Variants in SERPINF1 observed in about 807,000 individuals in gnomAD.
SERPINF1 encodes pigment epithelium-derived factor.
In SERPINF1, 29 loss-of-function variants were observed where a neutral mutation model predicts 37.3. The ratio of observed to expected loss-of-function variants is 0.78; its 90% CI spans 0.58 to 1.06. SERPINF1 has a LOEUF of 1.06. Among genes scored for constraint, SERPINF1 ranks in the 50% least tolerant of loss-of-function variants. The probability of loss-of-function intolerance (pLI) is 0.00; values close to 1 mark genes in which losing one functional copy is unlikely to be tolerated. For synonymous variants in SERPINF1, 281 were observed against 227.9 expected (o/e 1.23, Z -2.10); for missense variants, 553 against 532.2 (o/e 1.04, Z -0.38).
intron 1 of SERPINF1, 135 bp downstream of exon 1, chr17:1,762,248 G>T (rs1293562795): frequency 1.3e-5 from 2 of 152,810 alleles, no homozygotes; most frequent in African/African-American, 2.4e-5. Flanking sequence ...TGCGGAGACA[G>T]CAGCCCCTGC....
At chr17:1,772,146 T>G in intron 5 of SERPINF1, 71 bp downstream of exon 5, 1 of 1,495,400 alleles carries the variant, frequency 6.7e-7, no homozygotes, top group Non-Finnish European at 9.1e-7. Context: ...CGATGGAGTC[T>G]TACTCTGTAG....
chr17:1,777,077 CAG>C lies in SERPINF1; in HGVS notation c.998-106_998-105del, dbSNP rs962044055. On this transcript the variant is annotated intron_variant, in intron 7 of 7. Transcript: ENST00000254722. The stretch of plus-strand genomic sequence containing the variant: ...GGTCAGCTCAGACCTCTTCAGGCCT[CAG>C]AGAAAGTCAACAGTGCTGCGCCATC... 9.6e-5 allele frequency: 150 copies of C among 1,561,200 alleles called. No individual in the cohort carries two copies. The African/African-American group carries it at 1.6e-3, about 17-fold the overall frequency.
Position 1,777,402 on chromosome 17 carries a change from G to A in SERPINF1, c.1213G>A (p.Ala405Thr), listed in dbSNP as rs765381919. 3.7e-6 allele frequency: 6 copies of A among 1,613,970 alleles called. No individual in the cohort carries two copies. The highest frequency in any genetic ancestry group is 3.3e-5 in the Admixed American group (2 of 59,984). ...CGTACTGAGGGACACAGACACAGGG[G>A]CCCTTCTCTTCATTGGCAAGATTCT... The part of the protein sequence containing the change: ...IFVLRDTDTG[A>T]LLFIGKILDP... The change falls in exon 8 of 8, where the codon GCC becomes ACC. Residue 405 changes from alanine (A) to threonine (T), a missense_variant. Ala to Thr is a moderately conservative substitution (Grantham distance 58). Transcript: ENST00000254722.
At chr17:1,771,236 C>T (rs1907715100) in intron 4 of SERPINF1, 52 bp downstream of exon 4, 2 of 1,555,374 alleles carry the variant, frequency 1.3e-6, no homozygotes, top group Non-Finnish European at 1.7e-6. Context: ...CTCCATGCTG[C>T]AGGCTGGGGG....
At chr17:1,776,436 GC>G in intron 6 of SERPINF1, 95 bp from the exon 7 acceptor site, 1 of 1,070,538 alleles carries the variant, frequency 9.3e-7, no homozygotes, top group South Asian at 1.3e-5. Flanking sequence ...CGAGACCAGG[GC>G]CCCGTCACGG....
At chr17:1,765,314 TTTTA>T (rs1005916540) in intron 1 of SERPINF1, among the ~76,000 whole-genome samples, 5 of 151,560 alleles carry the variant, frequency 3.3e-5, no homozygotes, top group Admixed American at 2.6e-4. Context: ...GGCTATTTTA[TTTTA>T]TTTTATTTTA....
In SERPINF1 at chr17:1,763,042, C is replaced by T. The variant is rs573044832; in HGVS notation, c.-9+929C>T. Among the ~76,000 whole-genome samples, 6 of 152,318 alleles carry T rather than the reference C, an allele frequency of 3.9e-5. No individual in the cohort carries two copies. In the South Asian group the frequency reaches 1.0e-3, roughly 26 times the overall value. On this transcript the variant is annotated intron_variant, in intron 1 of 7. Coordinates refer to ENST00000254722, the MANE Select transcript of SERPINF1 (RefSeq NM_002615.7). ...GCTTCTGGGGTGTGGGGAAGTGCAA[C>T]TCCACGGCACCCTGGGCTGACTCAT...
At chr17:1,764,551 GAA>G (rs1907259225) in intron 1 of SERPINF1, among the ~76,000 whole-genome samples, 1 of 152,268 alleles carries the variant, frequency 6.6e-6, no homozygotes, top group Non-Finnish European at 1.5e-5. Context: ...GGTTTAGAAA[GAA>G]AACCAGGCTG....
Position 1,776,701 on chromosome 17 carries a change from T to C in SERPINF1, c.956T>C (p.Leu319Pro), listed in dbSNP as rs1908052957. The change falls in exon 7 of 8, where the codon CTG becomes CCG. Residue 319 changes from leucine (L) to proline (P), a missense_variant. By Grantham distance (98) the Leu-to-Pro change is moderately conservative (BLOSUM62 -3). Coordinates refer to ENST00000254722, the MANE Select transcript of SERPINF1 (RefSeq NM_002615.7). ...GTCCTCACTGTCCCCAAGCTGAAGC[T>C]GAGTTATGAAGGCGAAGTCACCAAG... ...QAVLTVPKLK[L>P]SYEGEVTKSL... The C allele has an allele frequency of 1.2e-6, 2 of 1,612,744 alleles. No individual in the cohort carries two copies. The highest frequency in any genetic ancestry group is 8.5e-7 in the Non-Finnish European group (1 of 1,179,610).
chr17:1,777,104 C>T, intron 7 of SERPINF1, 83 bp from the exon 8 acceptor site: 4 of 1,607,534 alleles, frequency 2.5e-6, no homozygotes, highest in Non-Finnish European at 3.4e-6. Context: ...GCTGCGCCAT[C>T]CCAGCTTGCT....
chr17:1,763,315 C>A (rs1907195907), intron 1 of SERPINF1, among the ~76,000 whole-genome samples: 1 of 152,222 alleles, frequency 6.6e-6, no homozygotes, highest in African/African-American at 2.4e-5. Context: ...AGTTGATCCG[C>A]CTCACGTGGA....
At chr17:1,767,264 T>A (rs1250904403) in intron 2 of SERPINF1, among the ~76,000 whole-genome samples, 3 of 152,156 alleles carry the variant, frequency 2.0e-5, no homozygotes, top group Non-Finnish European at 4.4e-5. Context: ...TGCCTCAGCT[T>A]CCCAAGCAGC....
chr17:1,770,816 C>T (rs1347351086), intron 3 of SERPINF1: 2 of 582,028 alleles, frequency 3.4e-6, no homozygotes, highest in Non-Finnish European at 6.3e-6. Context: ...CTCTCACTCC[C>T]TCACTCCCAC....
Sources: gnomAD v4.1 joint callset for allele counts (sites outside exome capture counted in the v4.1 genomes callset) on GRCh38, gnomAD v4.1.1 for gene constraint, MANE v1.5 for transcripts, NCBI Gene and HGNC (gene_info 2026-07-23, HGNC 2026-07-21) for gene names.